HEXB: variants seen among roughly 807,000 people sequenced by gnomAD.
HEXB encodes beta-hexosaminidase subunit beta.
In HEXB, 51 loss-of-function variants were observed where a neutral mutation model predicts 71.2. The observed-to-expected ratio is 0.72, with a 90% CI of 0.57 to 0.90. The LOEUF is 0.90. Ranked by LOEUF, HEXB falls within the 40% of genes least tolerant of loss-of-function variation. The pLI, the probability that HEXB is intolerant of heterozygous loss-of-function variation, is 0.00. For synonymous variants in HEXB, 266 were observed against 249.3 expected (o/e 1.07, Z -0.63); for missense variants, 617 against 677.0 (o/e 0.91, Z 0.98).
intron 5 of HEXB, among the ~76,000 whole-genome samples, chr5:74,701,408 A>G (rs1016198936): frequency 2.0e-5 from 3 of 152,142 alleles, no homozygotes; most frequent in Non-Finnish European, 4.4e-5. Flanking sequence ...TACTTTCCAA[A>G]TGGTTAGCCA....
At chr5:74,693,318 A>G (rs1002781004) in intron 2 of HEXB, among the ~76,000 whole-genome samples, 1 of 152,216 alleles carries the variant, frequency 6.6e-6, no homozygotes, top group African/African-American at 2.4e-5. Flanking sequence ...ATGAGGAAAC[A>G]TGGAGTTGAC....
intron 1 of HEXB, among the ~76,000 whole-genome samples, chr5:74,673,570 G>C (rs1305960033): frequency 3.3e-5 from 5 of 152,088 alleles, no homozygotes; most frequent in Non-Finnish European, 2.9e-5. Flanking sequence ...TGTGTCCTCC[G>C]GTAGAACAGA....
At chr5:74,669,441 T>G (rs1453330825) in intron 1 of HEXB, among the ~76,000 whole-genome samples, 1 of 152,162 alleles carries the variant, frequency 6.6e-6, no homozygotes, top group Non-Finnish European at 1.5e-5. Flanking sequence ...AAATCTGGAA[T>G]TAATTTTGGG....
At chr5:74,680,231 C>A (rs896785368) in intron 1 of HEXB, among the ~76,000 whole-genome samples, 1 of 152,204 alleles carries the variant, frequency 6.6e-6, no homozygotes, top group African/African-American at 2.4e-5. Flanking sequence ...TATTTTCAGT[C>A]TTTGAATCCG....
chr5:74,689,671 T>A, intron 2 of HEXB, 198 bp downstream of exon 2: 1 of 601,044 alleles, frequency 1.7e-6, no homozygotes, highest in Non-Finnish European at 3.0e-6. Flanking sequence ...GTACAGTAAG[T>A]GCAGAAGAAG....
intron 5 of HEXB, among the ~76,000 whole-genome samples, chr5:74,698,720 T>C (rs1488869249): frequency 6.6e-6 from 1 of 152,106 alleles, no homozygotes; most frequent in Non-Finnish European, 1.5e-5. Context: ...ACATTAATAC[T>C]CTGAATTTTT....
intron 1 of HEXB, among the ~76,000 whole-genome samples, chr5:74,650,925 CAAAAAAAAA>C (rs34224491): frequency 1.0e-5 from 1 of 95,502 alleles, no homozygotes; most frequent in Admixed American, 1.2e-4. Context: ...GACTCTGTCT[CAAAAAAAAA>C]AAAAAAAAAA....
chr5:74,668,024 C>T (rs1306487853), intron 1 of HEXB, among the ~76,000 whole-genome samples: 1 of 152,166 alleles, frequency 6.6e-6, no homozygotes, highest in East Asian at 1.9e-4. Flanking sequence ...GACAGACAAC[C>T]TGTCCTATTG....
At chr5:74,692,615 T>A (rs1211666256) in intron 2 of HEXB, among the ~76,000 whole-genome samples, 1 of 152,238 alleles carries the variant, frequency 6.6e-6, no homozygotes, top group Non-Finnish European at 1.5e-5. Context: ...GAAAAGGCTA[T>A]CTTGTCAGAA....
chr5:74,650,546 C>A (rs1229715100), intron 1 of HEXB, among the ~76,000 whole-genome samples: 3 of 152,176 alleles, frequency 2.0e-5, no homozygotes, highest in Non-Finnish European at 4.4e-5. Flanking sequence ...TGTCAGGGGT[C>A]TGCTGCCTTT....
chr5:74,667,013 G>T (rs1032643592), intron 1 of HEXB, among the ~76,000 whole-genome samples: 1 of 152,090 alleles, frequency 6.6e-6, no homozygotes, highest in African/African-American at 2.4e-5. Flanking sequence ...AGACAGTAGG[G>T]TCTATAGATC....
chr5:74,703,697 A>C (rs2112153646), intron 5 of HEXB, among the ~76,000 whole-genome samples: 1 of 152,050 alleles, frequency 6.6e-6, no homozygotes, highest in East Asian at 1.9e-4. Flanking sequence ...TTTTGGTCTC[A>C]CTGTCACCCC....
intron 5 of HEXB, among the ~76,000 whole-genome samples, chr5:74,700,727 GAC>G (rs1248986679): frequency 6.6e-6 from 1 of 151,830 alleles, no homozygotes; most frequent in African/African-American, 2.4e-5. Context: ...TATTTATTGA[GAC>G]GGAGTTTTGC....
rs762238455 is a variant in HEXB, at chr5:74,715,496, A to G, written c.902-14A>G. The G allele has an allele frequency of 3.8e-6, 6 of 1,571,898 alleles. No individual in the cohort carries two copies. Among genetic ancestry groups the G allele is most frequent in the Non-Finnish European group, 5.3e-6 (6 of 1,141,726 alleles). ...TACACTTCTTTTAAAAAGAATCTTAATATTTTCTTCTAGGTCAGAAAGACC... is the reference window on the plus strand; with the variant it reads ...TACACTTCTTTTAAAAAGAATCTTAGTATTTTCTTCTAGGTCAGAAAGACC... On this transcript the variant is annotated splice_polypyrimidine_tract_variant and intron_variant, in intron 7 of 13. Coordinates refer to ENST00000261416, the MANE Select transcript of HEXB (RefSeq NM_000521.4).
At chr5:74,650,964 A>G (rs529386751) in intron 1 of HEXB, among the ~76,000 whole-genome samples, 3 of 150,772 alleles carry the variant, frequency 2.0e-5, no homozygotes, top group Non-Finnish European at 4.4e-5. Flanking sequence ...GCAAAAATAA[A>G]TGTTTTTTAA....
At chr5:74,645,534 C>T (rs1180269576) in intron 1 of HEXB, among the ~76,000 whole-genome samples, 1 of 152,184 alleles carries the variant, frequency 6.6e-6, no homozygotes, top group East Asian at 1.9e-4. Context: ...CTATTAGGGG[C>T]TTGTTATAGA....
intron 6 of HEXB, among the ~76,000 whole-genome samples, chr5:74,711,449 C>G (rs1749538801): frequency 6.6e-6 from 1 of 151,946 alleles, no homozygotes; most frequent in South Asian, 2.1e-4. Flanking sequence ...TCTAATTAAA[C>G]TAAAGAGCTT....
chr5:74,675,394 G>C (rs1177614023), intron 1 of HEXB, among the ~76,000 whole-genome samples: 1 of 152,180 alleles, frequency 6.6e-6, no homozygotes, highest in Non-Finnish European at 1.5e-5. Context: ...GGCTTAGTCA[G>C]GTCTCAGAGC....
At chr5:74,681,223 G>C (rs910918772), upstream of HEXB, among the ~76,000 whole-genome samples, 1 of 152,130 alleles carries the variant, frequency 6.6e-6, no homozygotes, top group African/African-American at 2.4e-5. Context: ...TAGACTAATG[G>C]AGCTCAACAA....
Sources: gnomAD v4.1 joint callset for allele counts (sites outside exome capture counted in the v4.1 genomes callset) on GRCh38, gnomAD v4.1.1 for gene constraint, MANE v1.5 for transcripts, NCBI Gene and HGNC (gene_info 2026-07-23, HGNC 2026-07-21) for gene names.